Variants in TRPC5OS observed in about 807,000 individuals in gnomAD.
TRPC5OS encodes TRPC5 opposite strand, also known as putative uncharacterized protein TRPC5OS.
For missense variants in TRPC5OS, 64 were observed against 79.3 expected (o/e 0.81, Z 0.73); for synonymous variants, 30 against 29.3 (o/e 1.02, Z -0.08).
At chrX:111,877,555 T>C (rs1278027735) in intron 1 of TRPC5OS, among the ~76,000 whole-genome samples, 1 of 110,980 alleles carries the variant, frequency 9.0e-6, no homozygotes, top group East Asian at 2.8e-4. Context: ...AGGCAGGTAG[T>C]GTGGTGTGTA....
At chrX:111,890,372 T>A (rs1386800274) in intron 1 of TRPC5OS, among the ~76,000 whole-genome samples, 1 of 112,014 alleles carries the variant, frequency 8.9e-6, no homozygotes, top group African/African-American at 3.2e-5. Flanking sequence ...TTAGTGTATT[T>A]TATTTGTGGC....
chrX:111,879,663 T>C (rs183574843), intron 1 of TRPC5OS, among the ~76,000 whole-genome samples: 1 of 113,008 alleles, frequency 8.8e-6, no homozygotes, highest in African/African-American at 3.2e-5. Flanking sequence ...TGGCAATTTA[T>C]TGCAGTAAGC....
intron 1 of TRPC5OS, among the ~76,000 whole-genome samples, chrX:111,894,323 C>T (rs757122541): frequency 2.2e-4 from 25 of 111,572 alleles, no homozygotes; most frequent in African/African-American, 7.2e-4. Flanking sequence ...GCAAAATTGC[C>T]AGGTAGGACT....
At chrX:111,879,927 T>C (rs1924127619) in intron 1 of TRPC5OS, among the ~76,000 whole-genome samples, 1 of 112,089 alleles carries the variant, frequency 8.9e-6, no homozygotes, top group Admixed American at 9.5e-5. Context: ...CATTTTTTTT[T>C]TTCTCAAATG....
chrX:111,884,661 A>C (rs1924387305), intron 1 of TRPC5OS, among the ~76,000 whole-genome samples: 1 of 112,982 alleles, frequency 8.9e-6, no homozygotes, highest in African/African-American at 3.2e-5. Context: ...AAGACCTGAG[A>C]CTAGTTAAGA....
At chrX:111,900,629 T>C (rs939000697) in intron 3 of TRPC5OS, among the ~76,000 whole-genome samples, 3 of 111,488 alleles carry the variant, frequency 2.7e-5, no homozygotes, top group African/African-American at 9.8e-5. Flanking sequence ...ACTTTAAGTT[T>C]CAACTCAGCT....
At position 111,902,066 on chromosome X, in the gene TRPC5OS, A is replaced by T; in HGVS notation, c.217A>T (p.Ile73Leu). 1 of 1,155,281 alleles carries T rather than the reference A, an allele frequency of 8.7e-7. No homozygotes were observed. The highest frequency in any genetic ancestry group is 1.1e-6 in the Non-Finnish European group (1 of 872,439). The change falls in exon 4 of 4, where the codon ATA (isoleucine) becomes TTA (leucine). Residue 73 changes from isoleucine (I) to leucine (L), a missense_variant. Ile to Leu is a conservative substitution (Grantham distance 5). Transcript: ENST00000635763. ...DLPDLSDLDS[I>L]LTPREDEDLI... Reference sequence around the variant, plus strand: ...CCCTGATCTCTCAGACTTAGACTCAATACTTACACCAAGAGAGGATGAAGA... The same window carrying T: ...CCCTGATCTCTCAGACTTAGACTCATTACTTACACCAAGAGAGGATGAAGA...
intron 1 of TRPC5OS, among the ~76,000 whole-genome samples, chrX:111,886,386 A>G (rs1190457610): frequency 8.9e-6 from 1 of 112,832 alleles, no homozygotes; most frequent in East Asian, 2.8e-4. Context: ...TTCATGTTTC[A>G]GTGATGTTTG....
At chrX:111,886,122 A>G (rs944999181) in intron 1 of TRPC5OS, among the ~76,000 whole-genome samples, 1 of 111,417 alleles carries the variant, frequency 9.0e-6, no homozygotes, top group Non-Finnish European at 1.9e-5. Context: ...TCTACTAAAA[A>G]TATAAAAAAT....
At chrX:111,888,643 G>A (rs1381482966) in intron 1 of TRPC5OS, among the ~76,000 whole-genome samples, 2 of 90,216 alleles carry the variant, frequency 2.2e-5, no homozygotes, top group Non-Finnish European at 4.2e-5. Context: ...GTGGTGAGCT[G>A]AGATCATGCC....
Position 111,903,335 on chromosome X carries a change from G to A in TRPC5OS, c.*1150G>A, listed in dbSNP as rs1185718840. 8.9e-6 allele frequency: 1 copy of A among 112,119 alleles called. No homozygotes were observed. The highest frequency in any genetic ancestry group is 1.9e-5 in the Non-Finnish European group (1 of 53,171). The allele number at this position is 112,119 out of a possible 1,213,427, so 9.2% of individuals were successfully genotyped here. A position where few individuals can be genotyped will look rare whatever the true frequency, so the allele number is the denominator to read the frequency against. On this transcript the variant is annotated 3_prime_UTR_variant, in exon 4 of 4. Coordinates refer to ENST00000635763, the MANE Select transcript of TRPC5OS (RefSeq NM_001195578.2). ...TTTAGGAACAAGAACTAGTGGGGAC[G>A]GTGTTTTCAGGAGAGAGAAGCAAAT...
At chrX:111,882,545 G>T (rs1035253636) in intron 1 of TRPC5OS, among the ~76,000 whole-genome samples, 3 of 113,009 alleles carry the variant, frequency 2.7e-5, no homozygotes, top group Non-Finnish European at 5.6e-5. Flanking sequence ...CCAAGGCCAA[G>T]GTCTGGTTAA....
intron 1 of TRPC5OS, among the ~76,000 whole-genome samples, chrX:111,882,188 G>A (rs1399879979): frequency 1.8e-5 from 2 of 111,054 alleles, no homozygotes; most frequent in Non-Finnish European, 3.8e-5. Flanking sequence ...CATTCTCATT[G>A]GCTGAAATAA....
chrX:111,880,086 G>T (rs1424561342), intron 1 of TRPC5OS, among the ~76,000 whole-genome samples: 1 of 107,977 alleles, frequency 9.3e-6, no homozygotes, highest in Non-Finnish European at 1.9e-5. Context: ...ATTTGTTGCT[G>T]CTTTTTTTTT....
chrX:111,881,467 G>C (rs1483650956), intron 1 of TRPC5OS, among the ~76,000 whole-genome samples: 1 of 111,468 alleles, frequency 9.0e-6, no homozygotes, highest in African/African-American at 3.3e-5. Context: ...TGAGCCACTG[G>C]GCCTGGCCCG....
chrX:111,887,166 C>T (rs1158941358), intron 1 of TRPC5OS, among the ~76,000 whole-genome samples: 3 of 112,527 alleles, frequency 2.7e-5, no homozygotes, highest in East Asian at 5.6e-4. Flanking sequence ...TCACATCTCC[C>T]TTTATGCTAT....
At chrX:111,898,984 A>T (rs1332376690) in intron 3 of TRPC5OS, among the ~76,000 whole-genome samples, 1 of 110,590 alleles carries the variant, frequency 9.0e-6, no homozygotes, top group East Asian at 2.9e-4. Flanking sequence ...AGGCTAGTTA[A>T]GGTGTCCAGA....
chrX:111,886,784 T>G (rs925012485), intron 1 of TRPC5OS, among the ~76,000 whole-genome samples: 8 of 112,171 alleles, frequency 7.1e-5, no homozygotes, highest in African/African-American at 2.6e-4. Context: ...ACTGTGCCAT[T>G]TCTGTCGCCT....
chrX:111,888,838 A>G (rs778001968), intron 1 of TRPC5OS, among the ~76,000 whole-genome samples: 5 of 111,349 alleles, frequency 4.5e-5, no homozygotes, highest in African/African-American at 1.6e-4. Flanking sequence ...TCACAATGAC[A>G]AGTGATCAGA....
Sources: gnomAD v4.1 joint callset for allele counts (sites outside exome capture counted in the v4.1 genomes callset) on GRCh38, gnomAD v4.1.1 for gene constraint, MANE v1.5 for transcripts, NCBI Gene and HGNC (gene_info 2026-07-23, HGNC 2026-07-21) for gene names.